Variants in THBS4 observed in about 807,000 individuals in gnomAD.
THBS4 encodes the protein thrombospondin-4.
THBS4 carries 90 observed loss-of-function variants against 115.7 expected under a neutral mutation model. The observed-to-expected ratio is 0.78, with a 90% confidence interval of 0.66 to 0.93. THBS4 has a LOEUF of 0.93. THBS4 is among the 40% of genes least tolerant of loss of function. THBS4 has a pLI of 0.00. For synonymous variants in THBS4, 460 were observed against 479.3 expected, an observed-to-expected ratio of 0.96 and a Z score of 0.53; for missense variants, 1,087 against 1,232.7, an observed-to-expected ratio of 0.88 and a Z score of 1.77.
chr5:80,034,687 C>T (rs767432737), upstream of THBS4, among the ~76,000 whole-genome samples: 2 of 152,210 alleles, frequency 1.3e-5, no homozygotes, highest in Non-Finnish European at 2.9e-5. Flanking sequence ...ACAGATTCAC[C>T]AGCCTAGAAA....
At chr5:80,015,959 G>A (rs527329484) in intron 2 of THBS4, among the ~76,000 whole-genome samples, 3 of 152,328 alleles carry the variant, frequency 2.0e-5, no homozygotes, top group African/African-American at 7.2e-5. Context: ...CAACAAGGGT[G>A]ATGTTTAATG....
chr5:80,023,482 A>G (rs1245193067), intron 2 of THBS4, among the ~76,000 whole-genome samples: 1 of 152,190 alleles, frequency 6.6e-6, no homozygotes, highest in Non-Finnish European at 1.5e-5. Flanking sequence ...TCCCTAACAG[A>G]GTATGCTCTA....
chr5:80,018,731 GTCATT>G (rs1278457818), intron 2 of THBS4, among the ~76,000 whole-genome samples: 2 of 151,798 alleles, frequency 1.3e-5, no homozygotes, highest in Non-Finnish European at 2.9e-5. Flanking sequence ...TTTATTTCTT[GTCATT>G]ATTTTCAAAT....
chr5:80,008,242 T>A (rs1472189219), intron 2 of THBS4, among the ~76,000 whole-genome samples: 1 of 152,204 alleles, frequency 6.6e-6, no homozygotes, highest in Non-Finnish European at 1.5e-5. Context: ...TAAATTAAGA[T>A]GTAAATGTGG....
intron 7 of THBS4, among the ~76,000 whole-genome samples, chr5:80,061,055 A>G (rs1366060087): frequency 6.6e-6 from 1 of 152,238 alleles, no homozygotes; most frequent in African/African-American, 2.4e-5. Context: ...AAACAACTGC[A>G]TACATTTCAC....
At chr5:80,039,677 G>A (rs941453261) in intron 1 of THBS4, among the ~76,000 whole-genome samples, 4 of 152,298 alleles carry the variant, frequency 2.6e-5, no homozygotes, top group East Asian at 1.9e-4. Flanking sequence ...ATGGGACTCC[G>A]TGACAGAAAT....
chr5:80,059,353 CATAG>C (rs1345346778), intron 5 of THBS4, 83 bp from the exon 6 acceptor site: 8 of 1,144,762 alleles, frequency 7.0e-6, no homozygotes, highest in Non-Finnish European at 8.8e-6. Context: ...AAAAGTGTTA[CATAG>C]ATAGCTCCAC....
chr5:80,026,061 C>T (rs140613471), intron 2 of THBS4, among the ~76,000 whole-genome samples: 5 of 152,286 alleles, frequency 3.3e-5, no homozygotes, highest in South Asian at 4.1e-4. Context: ...TGGAATTTAA[C>T]GTTCAAATGG....
intron 7 of THBS4, among the ~76,000 whole-genome samples, chr5:80,060,836 C>T (rs915108188): frequency 6.6e-6 from 1 of 152,194 alleles, no homozygotes; most frequent in Non-Finnish European, 1.5e-5. Context: ...AGGCTGCCAC[C>T]AAAATGTGCC....
rs763926346 is a variant in THBS4, at chr5:80,065,433, C to T, written c.1150C>T (p.Arg384Ter). The change falls in exon 9 of 22, where the codon CGA becomes TGA. Residue 384 changes from arginine to a stop codon, truncating the protein, a stop_gained. Transcript: ENST00000350881. LOFTEE classifies it high-confidence loss of function. ...KQVCTDIDEC[R>*]NGACVPNSIC... ...GGTCTGCACTGACATTGATGAGTGTCGAAATGGAGCGTGCGTTCCCAACTC... is the reference window on the plus strand; with the variant it reads ...GGTCTGCACTGACATTGATGAGTGTTGAAATGGAGCGTGCGTTCCCAACTC... The T allele has an allele frequency of 6.2e-6, 10 of 1,613,378 alleles. No individual in the cohort carries two copies. The highest frequency in any genetic ancestry group is 7.6e-6 in the Non-Finnish European group (9 of 1,179,794).
At position 80,080,072 on chromosome 5, in the gene THBS4, C is replaced by T. The variant is rs756865975; in HGVS notation, c.2679C>T (p.Tyr893=). The T allele has an allele frequency of 1.5e-5, 25 of 1,613,552 alleles. 1 individual carries two copies. In the Middle Eastern group the frequency reaches 1.3e-3, roughly 85 times the overall value. Residue 893 remains tyrosine (Y), a synonymous_variant, in exon 20 of 22, where the codon TAC becomes TAT. Coordinates refer to ENST00000350881, the MANE Select transcript of THBS4 (RefSeq NM_003248.6). ...WFLQHRPQVG[Y]IRVRFYEGSE... is the part of the protein sequence containing the mutation. ...TACAGCACAGGCCCCAGGTGGGCTA[C>T]ATCAGGTAGGTAGAGGCCCCATCTC...
At chr5:80,063,370 TG>T (rs1312695509) in intron 8 of THBS4, among the ~76,000 whole-genome samples, 3 of 152,178 alleles carry the variant, frequency 2.0e-5, no homozygotes, top group Admixed American at 2.0e-4. Flanking sequence ...CACTTTTTGA[TG>T]GGGTTGTTTG....
At chr5:80,059,543 T>A (rs1177887113) in intron 6 of THBS4, 52 bp downstream of exon 6, 2 of 1,609,130 alleles carry the variant, frequency 1.2e-6, no homozygotes, top group Admixed American at 3.3e-5. Context: ...TGCAGGCTGA[T>A]GAAGGGCTTG....
chr5:80,021,342 G>T (rs1351888098), intron 2 of THBS4, among the ~76,000 whole-genome samples: 1 of 152,152 alleles, frequency 6.6e-6, no homozygotes, highest in African/African-American at 2.4e-5. Context: ...AAAGAGATTT[G>T]CAAAAAGGTA....
At chr5:80,002,910 C>T (rs1395315259) in intron 2 of THBS4, among the ~76,000 whole-genome samples, 2 of 147,254 alleles carry the variant, frequency 1.4e-5, no homozygotes, top group Non-Finnish European at 3.0e-5. Flanking sequence ...GTTATGTTAA[C>T]GAAAGATCAT....
chr5:80,047,633 A>T (rs1347017956), intron 2 of THBS4, among the ~76,000 whole-genome samples: 2 of 102,442 alleles, frequency 2.0e-5, no homozygotes, highest in African/African-American at 3.3e-5. Flanking sequence ...AAAATTAAGA[A>T]TTTTTTTTTT....
chr5:80,037,237 G>A (rs1332926515), intron 1 of THBS4, among the ~76,000 whole-genome samples: 1 of 151,850 alleles, frequency 6.6e-6, no homozygotes, highest in African/African-American at 2.4e-5. Flanking sequence ...ATTTGAACTC[G>A]GCCTATACAA....
At chr5:80,049,397 G>A (rs182456288) in intron 2 of THBS4, among the ~76,000 whole-genome samples, 14 of 152,230 alleles carry the variant, frequency 9.2e-5, no homozygotes, top group Middle Eastern at 6.8e-3. Context: ...ACAGGCAGGC[G>A]CCACCACGCC....
intron 2 of THBS4, among the ~76,000 whole-genome samples, chr5:80,051,703 A>G (rs76935818): frequency 1.7e-3 from 258 of 152,356 alleles, no homozygotes; most frequent in African/African-American, 5.8e-3. Flanking sequence ...TTTTCTATAT[A>G]AAAAGCTTTA....
Sources: gnomAD v4.1 joint callset for allele counts (sites outside exome capture counted in the v4.1 genomes callset) on GRCh38, gnomAD v4.1.1 for gene constraint, MANE v1.5 for transcripts, NCBI Gene and HGNC (gene_info 2026-07-23, HGNC 2026-07-21) for gene names.